The following SPTB variants were observed in gnomAD, a reference collection of about 807,000 sequenced individuals.
SPTB encodes spectrin beta chain, erythrocytic.
SPTB carries 45 observed loss-of-function variants against 256.2 expected under a neutral mutation model. The ratio of observed to expected loss-of-function variants is 0.18; its 90% confidence interval spans 0.14 to 0.23. The LOEUF (loss-of-function observed/expected upper bound fraction) is 0.23, where lower values mean the gene tolerates loss of function less well. Among genes scored for constraint, SPTB ranks in the 10% least tolerant of loss-of-function variants. SPTB has a pLI of 1.00. For missense variants in SPTB, 2,715 were observed against 3,040.4 expected, an observed-to-expected ratio of 0.89 and a Z score of 2.52; for synonymous variants, 1,231 against 1,243.1, an observed-to-expected ratio of 0.99 and a Z score of 0.21.
chr14:64,766,158 T>G (rs1360565586), intron 32 of SPTB, among the ~76,000 whole-genome samples: 3 of 142,214 alleles, frequency 2.1e-5, no homozygotes, highest in East Asian at 2.1e-4. Context: ...TGTGGTGTGT[T>G]TGTGTGTATG....
chr14:64,813,679 C>T (rs561298629), intron 2 of SPTB, among the ~76,000 whole-genome samples: 61 of 152,328 alleles, frequency 4.0e-4, no homozygotes, highest in Non-Finnish European at 6.2e-4. Context: ...AGCGCCACCA[C>T]GCCCAGCTAA....
At chr14:64,876,038 G>A (rs1882807907) in intron 1 of SPTB, among the ~76,000 whole-genome samples, 1 of 152,130 alleles carries the variant, frequency 6.6e-6, no homozygotes, top group Non-Finnish European at 1.5e-5. Flanking sequence ...CACAATCATA[G>A]TTCAGCCTCT....
rs2082692355 is a variant in SPTB at position 64,792,568 on chromosome 14, G to A, written c.2666+429C>T. ...GGTGAGAGTGGCCTTGCAGACAGGG[G>A]GTTTGCAAATTCTCTCTGTGGCCCC... On this transcript the variant is annotated intron_variant, in intron 14 of 35. Coordinates refer to ENST00000644917, the MANE Select transcript of SPTB (RefSeq NM_001355436.2). This position sits in a 1 kb window ranked among gnomAD's most constrained non-coding sequence, Gnocchi z 4.2. 6.6e-6 allele frequency among the ~76,000 whole-genome samples: 1 copy of A among 152,116 alleles called. No homozygotes were observed. Among genetic ancestry groups the A allele is most frequent in the Admixed American group, 6.5e-5 (1 of 15,280 alleles).
intron 24 of SPTB, 73 bp from the exon 25 acceptor site, chr14:64,773,497 CA>C: frequency 6.8e-7 from 1 of 1,480,146 alleles, no homozygotes; most frequent in Non-Finnish European, 9.4e-7. Flanking sequence ...AGGGAGCCAA[CA>C]TATGCCAACC....
chr14:64,755,974 C>T (rs2082011637), intron 32 of SPTB: 1 of 152,228 alleles, frequency 6.6e-6, no homozygotes, highest in African/African-American at 2.4e-5. Flanking sequence ...GGTTCATCAG[C>T]TGACAGTAAG....
intron 1 of SPTB, among the ~76,000 whole-genome samples, chr14:64,867,618 C>A (rs1319709425): frequency 2.0e-5 from 3 of 152,216 alleles, no homozygotes; most frequent in African/African-American, 7.2e-5. Context: ...CTTTGGGAGA[C>A]CGAGGCGGGC....
intron 29 of SPTB, 110 bp downstream of exon 29, chr14:64,768,924 G>A: frequency 2.2e-6 from 2 of 908,078 alleles, no homozygotes; most frequent in Non-Finnish European, 3.6e-6. Context: ...TGCTGTGGGG[G>A]GCTCCTCTCT....
chr14:64,805,154 C>G, intron 2 of SPTB, 64 bp from the exon 3 acceptor site: 1 of 1,596,584 alleles, frequency 6.3e-7, no homozygotes, highest in Non-Finnish European at 8.6e-7. Context: ...GACATGGGGC[C>G]AAGGGGTTTT....
chr14:64,828,861 A>G (rs2083410785), intron 1 of SPTB, among the ~76,000 whole-genome samples: 1 of 152,234 alleles, frequency 6.6e-6, no homozygotes, highest in Non-Finnish European at 1.5e-5. Context: ...AGGTCTCAAC[A>G]TTGTAGTGAG....
chr14:64,784,710 G>A (rs1020985245), intron 18 of SPTB, among the ~76,000 whole-genome samples: 2 of 152,214 alleles, frequency 1.3e-5, no homozygotes, highest in South Asian at 4.1e-4. Context: ...CCCAACGAGT[G>A]TTTACTGGAT....
rs1181131869 is a variant in SPTB, at chr14:64,786,101, G to C, written c.3562-150C>G. ...ACAGGGAGGAGGCACTACTCCCCAGGCCTTGCCCCCACCCCTACCCCAGGG... is the reference window on the plus strand; with the variant it reads ...ACAGGGAGGAGGCACTACTCCCCAGCCCTTGCCCCCACCCCTACCCCAGGG... On this transcript the variant is annotated intron_variant, in intron 16 of 35. Transcript: ENST00000644917. The surrounding 1 kb of genome is among the most constrained non-coding windows in gnomAD (Gnocchi z 5.6). The C allele has an allele frequency of 1.2e-6, 1 of 867,738 alleles. No individual in the cohort carries two copies. The highest frequency in any genetic ancestry group is 1.7e-5 in the African/African-American group (1 of 59,912). The allele number at this position is 867,738 out of a possible 1,614,324, so 53.8% of individuals were successfully genotyped here.
intron 10 of SPTB, 62 bp downstream of exon 10, chr14:64,797,667 T>C (rs1303989452): frequency 4.7e-6 from 6 of 1,263,558 alleles, no homozygotes; most frequent in Non-Finnish European, 7.0e-6. Flanking sequence ...GACCATTCAC[T>C]GTGTCCTTAT....
At position 64,795,240 on chromosome 14, in the gene SPTB, G is replaced by C; in HGVS notation, c.1644+97C>G. ...CTATTTTGACTCAGAGATATGACTG[G>C]CTGGGAGGTGTCTAAGGAAGCCTAT... On this transcript the variant is annotated intron_variant, in intron 12 of 35. Coordinates refer to ENST00000644917, the MANE Select transcript of SPTB (RefSeq NM_001355436.2). The surrounding 1 kb of genome is among the most constrained non-coding windows in gnomAD (Gnocchi z 6.5). 7.2e-7 allele frequency: 1 copy of C among 1,393,462 alleles called. No individual in the cohort carries two copies. The highest frequency in any genetic ancestry group is 9.9e-7 in the Non-Finnish European group (1 of 1,012,376). 86.3% of individuals were successfully genotyped at this position (1,393,462 alleles called of 1,614,324 possible). A position where few individuals can be genotyped will look rare whatever the true frequency, so the allele number is the denominator to read the frequency against.
chr14:64,850,092 T>G (rs919671630), intron 1 of SPTB, among the ~76,000 whole-genome samples: 1 of 152,210 alleles, frequency 6.6e-6, no homozygotes, highest in Admixed American at 6.5e-5. Flanking sequence ...GACTATCATA[T>G]GCAGCCACAA....
chr14:64,837,001 C>G (rs1404174477), intron 1 of SPTB, among the ~76,000 whole-genome samples: 1 of 152,194 alleles, frequency 6.6e-6, no homozygotes, highest in Non-Finnish European at 1.5e-5. Context: ...TCAAATCATG[C>G]AAGAAAGGCA....
Position 64,795,195 on chromosome 14 carries a change from A to G in SPTB, c.1644+142T>C. 1.0e-6 allele frequency: 1 copy of G among 977,878 alleles called. No homozygotes were observed. The highest frequency in any genetic ancestry group is 2.6e-5 in the East Asian group (1 of 38,300). The allele number at this position is 977,878 out of a possible 1,614,324, so 60.6% of individuals were successfully genotyped here. ...GGCAGAGAGGCAGGTGCAGCTAGACACTTTGCTGCCTCAGTTTCTCTATTT... is the reference window on the plus strand; with the variant it reads ...GGCAGAGAGGCAGGTGCAGCTAGACGCTTTGCTGCCTCAGTTTCTCTATTT... On this transcript the variant is annotated intron_variant, in intron 12 of 35. Transcript: ENST00000644917. This position sits in a 1 kb window ranked among gnomAD's most constrained non-coding sequence, Gnocchi z 6.5.
At chr14:64,794,424 C>A in intron 13 of SPTB, 43 bp downstream of exon 13, 1 of 1,613,114 alleles carries the variant, frequency 6.2e-7, no homozygotes, top group African/African-American at 1.3e-5. Flanking sequence ...AGGTGAGGCT[C>A]TGGCATTGGA....
rs535592697 is a variant in SPTB, at chr14:64,753,693, G to A, written c.6446C>T (p.Thr2149Met). ...QKSTGDERPT[T>M]EPLFKVLDTP... ...ATCTAGGACCTTAAAGAGGGGCTCCGTGGTGGGCCTCTCATCCCCAGTGGA... is the reference window on the plus strand; with the variant it reads ...ATCTAGGACCTTAAAGAGGGGCTCCATGGTGGGCCTCTCATCCCCAGTGGA... Residue 2149 changes from threonine to methionine, a missense_variant, in exon 33 of 36, where the codon ACG (threonine) becomes ATG (methionine). This residue lies in a region of SPTB where 2,239 missense variants were observed against 2,384.4 expected (regional missense o/e 0.94). Coordinates refer to ENST00000644917, the MANE Select transcript of SPTB (RefSeq NM_001355436.2). 1.5e-5 allele frequency: 25 copies of A among 1,613,718 alleles called. No individual in the cohort carries two copies. Among genetic ancestry groups the A allele is most frequent in the African/African-American group, 8.0e-5 (6 of 75,042 alleles).
In SPTB at chr14:64,795,302, T is replaced by A. The variant is rs372082187; in HGVS notation, c.1644+35A>T. On this transcript the variant is annotated intron_variant, in intron 12 of 35. Transcript: ENST00000644917. This position sits in a 1 kb window ranked among gnomAD's most constrained non-coding sequence, Gnocchi z 6.5. The stretch of plus-strand genomic sequence containing the variant: ...GGCCACTGAGACCCAAGGTGAGCAC[T>A]GCAGGGCATGGCGGGGGCGGCCCCC... The A allele has an allele frequency of 3.7e-6, 6 of 1,603,392 alleles. No individual in the cohort carries two copies. The African/African-American group carries it at 4.0e-5, about 11-fold the overall frequency.
Sources: allele counts gnomAD v4.1 joint callset (sites outside exome capture counted in the v4.1 genomes callset), GRCh38; gene constraint gnomAD v4.1.1; regional missense constraint gnomAD v4.1.1; non-coding constraint Gnocchi (gnomAD v3.1); transcripts MANE v1.5; gene names NCBI Gene and HGNC (gene_info 2026-07-23, HGNC 2026-07-21).